The following SERPINA5 variants were observed in gnomAD, a reference collection of about 807,000 sequenced individuals.
SERPINA5 encodes the protein serpin family A member 5.
Under a neutral mutation model 25.3 loss-of-function variants are expected in SERPINA5, and 25 were observed. The observed-to-expected ratio is 0.99, with a 90% confidence interval of 0.72 to 1.38. The LOEUF is 1.38. SERPINA5 is among the 40% of genes most tolerant of loss of function. SERPINA5 has a pLI of 0.00. For missense variants in SERPINA5, 599 were observed against 509.5 expected (o/e 1.18, Z -1.69); for synonymous variants, 234 against 206.2 (o/e 1.14, Z -1.16).
At chr14:94,588,370 C>A (rs958253165) in intron 3 of SERPINA5, among the ~76,000 whole-genome samples, 1 of 152,176 alleles carries the variant, frequency 6.6e-6, no homozygotes, top group East Asian at 1.9e-4. Context: ...ATTTCCCAGT[C>A]CCCCGTATCC....
chr14:94,592,272 G>A lies in SERPINA5; in HGVS notation c.*33G>A, dbSNP rs555338597. The stretch of plus-strand genomic sequence containing the variant: ...CTTCTCCTGAAATCTACAGGCCTCA[G>A]GGTGGGAGATGAAGGGGGCTAAGCT... On this transcript the variant is annotated 3_prime_UTR_variant, in exon 6 of 6. Transcript: ENST00000329597. 4.5e-5 allele frequency: 72 copies of A among 1,593,324 alleles called. No individual in the cohort carries two copies. The South Asian group carries it at 7.1e-4, about 16-fold the overall frequency.
At chr14:94,588,305 A>G (rs1885164300) in intron 3 of SERPINA5, among the ~76,000 whole-genome samples, 1 of 152,104 alleles carries the variant, frequency 6.6e-6, no homozygotes, top group Non-Finnish European at 1.5e-5. Flanking sequence ...TGGCAAAGAC[A>G]CCAACACCTT....
At chr14:94,583,953 A>G (rs1884995527) in intron 2 of SERPINA5, among the ~76,000 whole-genome samples, 1 of 152,232 alleles carries the variant, frequency 6.6e-6, no homozygotes, top group African/African-American at 2.4e-5. Context: ...TTTGAAACTA[A>G]GAAACGTAAA....
intron 2 of SERPINA5, among the ~76,000 whole-genome samples, chr14:94,583,692 C>T (rs1267130885): frequency 6.6e-6 from 1 of 152,192 alleles, no homozygotes; most frequent in East Asian, 1.9e-4. Context: ...CCAGGGCCTA[C>T]CCATCACATC....
In SERPINA5 at chr14:94,583,365, G is replaced by A. The variant is rs148284711; in HGVS notation, c.-18+1655G>A. ...GGGAAAGGCGGCAGCTTTAAGACCT[G>A]TTTTGGAGATAGAACGGACAAGCTT... is the stretch of plus-strand genomic sequence containing the variant. On this transcript the variant is annotated intron_variant, in intron 2 of 5. Coordinates refer to ENST00000329597, the MANE Select transcript of SERPINA5 (RefSeq NM_000624.6). Among the ~76,000 whole-genome samples, 769 of 152,330 alleles carry A rather than the reference G, an allele frequency of 5.0e-3. 10 individuals are homozygous for A. The highest frequency in any genetic ancestry group is 0.017 in the African/African-American group (700 of 41,570).
chr14:94,587,991 T>G lies in SERPINA5; in HGVS notation c.619+10T>G. 3 of 1,608,530 alleles carry G rather than the reference T, an allele frequency of 1.9e-6. No individual in the cohort carries two copies. The highest frequency in any genetic ancestry group is 1.7e-6 in the Non-Finnish European group (2 of 1,176,466). On this transcript the variant is annotated intron_variant, in intron 3 of 5. Coordinates refer to ENST00000329597, the MANE Select transcript of SERPINA5 (RefSeq NM_000624.6). Reference sequence around the variant, plus strand: ...TACATCTTCTTTAAAGGTAAGGCCCTTGGGCCCAAACCTGCACTTTCTTTG... The same window carrying G: ...TACATCTTCTTTAAAGGTAAGGCCCGTGGGCCCAAACCTGCACTTTCTTTG...
chr14:94,586,500 G>A (rs752309941), intron 2 of SERPINA5, among the ~76,000 whole-genome samples: 16 of 152,062 alleles, frequency 1.1e-4, no homozygotes, highest in Non-Finnish European at 1.6e-4. Context: ...TTTAATTTTT[G>A]TGTAAGGACG....
chr14:94,588,934 G>A (rs1288549846), intron 3 of SERPINA5, among the ~76,000 whole-genome samples: 1 of 152,030 alleles, frequency 6.6e-6, no homozygotes, highest in Non-Finnish European at 1.5e-5. Context: ...ACTCCCAAAG[G>A]CCCCCTGTCC....
intron 2 of SERPINA5, among the ~76,000 whole-genome samples, chr14:94,583,710 C>T (rs1032082048): frequency 1.3e-5 from 2 of 152,192 alleles, no homozygotes; most frequent in Non-Finnish European, 2.9e-5. Flanking sequence ...ATCCCCACCA[C>T]CTCCCACCTC....
intron 2 of SERPINA5, among the ~76,000 whole-genome samples, chr14:94,585,065 C>A (rs1885030942): frequency 1.3e-5 from 2 of 152,132 alleles, no homozygotes; most frequent in Non-Finnish European, 2.9e-5. Flanking sequence ...CAGGAAGATG[C>A]AGCCAGGAAA....
intron 3 of SERPINA5, among the ~76,000 whole-genome samples, chr14:94,589,612 T>C (rs1885210672): frequency 6.6e-6 from 1 of 152,186 alleles, no homozygotes; most frequent in Non-Finnish European, 1.5e-5. Flanking sequence ...CCAGGATCCA[T>C]ACTAACTTCT....
In SERPINA5 at chr14:94,592,205, A is replaced by C. The variant is rs765799084; in HGVS notation, c.1187A>C (p.Asn396Thr). 53 of 1,613,958 alleles carry C rather than the reference A, an allele frequency of 3.3e-5. No homozygotes were observed. Among genetic ancestry groups the C allele is most frequent in the Non-Finnish European group, 4.2e-5 (50 of 1,179,992 alleles). The change falls in exon 6 of 6, where the codon AAC becomes ACC. Residue 396 changes from asparagine (N) to threonine (T), a missense_variant. Transcript: ENST00000329597. ...RPFLMFIVDN[N>T]ILFLGKVNRP ...TTTCTGATGTTCATTGTGGATAACA[A>C]CATCCTCTTCCTTGGCAAAGTGAAC...
chr14:94,589,906 A>G, intron 3 of SERPINA5, 135 bp from the exon 4 acceptor site: 1 of 784,574 alleles, frequency 1.3e-6, no homozygotes, highest in Non-Finnish European at 2.0e-6. Context: ...GAGGTTCAAC[A>G]GTCACTGCTC....
chr14:94,587,771 C>A lies in SERPINA5; in HGVS notation c.409C>A (p.Leu137Met). The A allele has an allele frequency of 6.2e-7, 1 of 1,614,226 alleles. No individual in the cohort carries two copies. The highest frequency in any genetic ancestry group is 8.5e-7 in the Non-Finnish European group (1 of 1,180,054). The change falls in exon 3 of 6, where the codon CTG (leucine) becomes ATG (methionine). Residue 137 changes from leucine to methionine, a missense_variant. Transcript: ENST00000329597. ...CCTCGGCAATGCCCTTTTCACCGAC[C>A]TGGTGGTAGACCTGCAGGACACCTT... ...LSLGNALFTD[L>M]VVDLQDTFVS... is the part of the protein sequence containing the mutation.
At chr14:94,591,962 T>TA in intron 5 of SERPINA5, 95 bp from the exon 6 acceptor site, 1 of 1,339,150 alleles carries the variant, frequency 7.5e-7, no homozygotes, top group Non-Finnish European at 1.0e-6. Flanking sequence ...AACAGATACT[T>TA]AGAGGTTGAT....
intron 2 of SERPINA5, chr14:94,581,947 A>C (rs1369105437): frequency 6.6e-6 from 1 of 152,218 alleles, no homozygotes; most frequent in Non-Finnish European, 1.5e-5. Flanking sequence ...AGGTTGAGAG[A>C]CCCTGAAATA....
intron 3 of SERPINA5, among the ~76,000 whole-genome samples, chr14:94,588,764 T>C (rs1353193473): frequency 6.6e-6 from 1 of 152,158 alleles, no homozygotes; most frequent in African/African-American, 2.4e-5. Context: ...GGCTGAGAAG[T>C]CCAGGATCAA....
At chr14:94,582,789 A>C (rs1421098787) in intron 2 of SERPINA5, among the ~76,000 whole-genome samples, 1 of 152,252 alleles carries the variant, frequency 6.6e-6, no homozygotes, top group African/African-American at 2.4e-5. Flanking sequence ...TGACAAATGC[A>C]TATATAAAGG....
rs534011182 is a variant in SERPINA5 at position 94,589,760 on chromosome 14, T to A, written c.620-281T>A. ...TGGTCTTGAGTAAAACGTTAGAGAATCAGAGAACATCAGGGGTCCAGGGCC... is the reference window on the plus strand; with the variant it reads ...TGGTCTTGAGTAAAACGTTAGAGAAACAGAGAACATCAGGGGTCCAGGGCC... On this transcript the variant is annotated intron_variant, in intron 3 of 5. Transcript: ENST00000329597. 2.0e-5 allele frequency among the ~76,000 whole-genome samples: 3 copies of A among 152,308 alleles called. No homozygotes were observed. The South Asian group carries it at 6.2e-4, about 32-fold the overall frequency.
Sources: gnomAD v4.1 joint callset for allele counts (sites outside exome capture counted in the v4.1 genomes callset) on GRCh38, gnomAD v4.1.1 for gene constraint, MANE v1.5 for transcripts, NCBI Gene and HGNC (gene_info 2026-07-23, HGNC 2026-07-21) for gene names.